The following TBC1D2 variants were observed in gnomAD, a reference collection of about 807,000 sequenced individuals.
TBC1D2 encodes the protein TBC1 domain family member 2A.
A neutral mutation model predicts 91.1 loss-of-function variants in TBC1D2; 58 were observed. That is an observed-to-expected ratio of 0.64 (90% confidence interval 0.52 to 0.79). The LOEUF is 0.79. Among genes scored for constraint, TBC1D2 ranks in the 30% least tolerant of loss-of-function variants. The pLI is 0.00. For synonymous variants in TBC1D2, 482 were observed against 511.5 expected (o/e 0.94, Z 0.78); for missense variants, 1,080 against 1,208.3 (o/e 0.89, Z 1.57).
intron 5 of TBC1D2, among the ~76,000 whole-genome samples, chr9:98,223,789 C>T (rs76682521): frequency 0.016 from 2,415 of 152,252 alleles, 34 homozygotes; most frequent in Non-Finnish European, 0.023. Context: ...CTTAAAAGAA[C>T]GGAACCAGGG....
chr9:98,199,433 C>T lies in TBC1D2; in HGVS notation c.2735G>A (p.Arg912Lys), dbSNP rs757114027. The change falls in exon 13 of 13, where the codon AGA becomes AAA. Residue 912 changes from arginine (R) to lysine (K), a missense_variant. Physicochemically the swap from Arg to Lys is conservative, Grantham distance 26. Transcript: ENST00000465784. The part of the protein sequence containing the change: ...EYLERRASRR[R>K]AVSEGCASED... Reference sequence around the variant, plus strand: ...GCTGGCACAGCCCTCGGACACAGCTCTGCGCCGGGATGCCCGCCTCTCCAG... The same window carrying T: ...GCTGGCACAGCCCTCGGACACAGCTTTGCGCCGGGATGCCCGCCTCTCCAG... The T allele has an allele frequency of 9.3e-6, 15 of 1,613,864 alleles. No homozygotes were observed. Among genetic ancestry groups the T allele is most frequent in the African/African-American group, 1.3e-5 (1 of 74,932 alleles).
chr9:98,217,177 A>G (rs1444363505), intron 6 of TBC1D2, among the ~76,000 whole-genome samples: 1 of 152,196 alleles, frequency 6.6e-6, no homozygotes, highest in East Asian at 1.9e-4. Flanking sequence ...CCCTACCTTG[A>G]GTGCTCGTCT....
intron 2 of TBC1D2, among the ~76,000 whole-genome samples, chr9:98,244,520 G>A (rs927227947): frequency 1.3e-5 from 2 of 152,030 alleles, no homozygotes; most frequent in East Asian, 1.9e-4. Flanking sequence ...TTAGCCAGGC[G>A]TGGTGGCGCA....
At chr9:98,209,326 T>C (rs1828751474) in intron 8 of TBC1D2, among the ~76,000 whole-genome samples, 182 bp from the exon 9 acceptor site, 2 of 152,144 alleles carry the variant, frequency 1.3e-5, no homozygotes, top group African/African-American at 4.8e-5. Flanking sequence ...ATAATGCATA[T>C]GGGAATCCCT....
At chr9:98,200,875 G>T (rs951172645) in intron 11 of TBC1D2, among the ~76,000 whole-genome samples, 2 of 152,068 alleles carry the variant, frequency 1.3e-5, no homozygotes, top group African/African-American at 4.8e-5. Flanking sequence ...AATTAGCCAG[G>T]TATGGTGTTG....
chr9:98,245,721 A>C (rs1291734787), intron 2 of TBC1D2, among the ~76,000 whole-genome samples: 4 of 152,170 alleles, frequency 2.6e-5, no homozygotes. Flanking sequence ...TTTTTTTCCA[A>C]ATTTTCTACA....
chr9:98,233,610 C>A, intron 3 of TBC1D2, 61 bp from the exon 4 acceptor site: 1 of 1,585,756 alleles, frequency 6.3e-7, no homozygotes. Context: ...CCCTTCTGTC[C>A]TTCCCGCCAC....
chr9:98,224,341 G>A (rs1385440847), intron 5 of TBC1D2, among the ~76,000 whole-genome samples: 1 of 143,988 alleles, frequency 6.9e-6, no homozygotes, highest in Admixed American at 7.0e-5. Flanking sequence ...GGAGTGCAGT[G>A]GCGCAATCAC....
intron 4 of TBC1D2, among the ~76,000 whole-genome samples, chr9:98,232,355 A>ATTTTTTTTTTTTTT (rs1829392695): frequency 3.2e-5 from 1 of 30,846 alleles, no homozygotes. Flanking sequence ...TTTTTTTTTG[A>ATTTTTTTTTTTTTT]CAGTGTCTCA....
Position 98,221,202 on chromosome 9 carries a change from T to G in TBC1D2, c.1005A>C (p.Ala335=), listed in dbSNP as rs1054986466. The G allele has an allele frequency of 6.4e-7, 1 of 1,551,412 alleles. No individual in the cohort carries two copies. Among genetic ancestry groups the G allele is most frequent in the African/African-American group, 1.4e-5 (1 of 73,230 alleles). ...QKELVKILHK[A]LEAAQQEKRA... ...GCTTCTCCTGCTGGGCGGCCTCCAGTGCCTTGTGCAGGATCTTCACTAGCT... is the reference window on the plus strand; with the variant it reads ...GCTTCTCCTGCTGGGCGGCCTCCAGGGCCTTGTGCAGGATCTTCACTAGCT... The change falls in exon 6 of 13, where the codon GCA becomes GCC. Residue 335 remains alanine (A), a synonymous_variant. Coordinates refer to ENST00000465784, the MANE Select transcript of TBC1D2 (RefSeq NM_001267571.2).
chr9:98,201,094 G>C (rs1288114463), intron 11 of TBC1D2, among the ~76,000 whole-genome samples: 1 of 152,034 alleles, frequency 6.6e-6, no homozygotes, highest in Non-Finnish European at 1.5e-5. Flanking sequence ...GGGCTGAGTT[G>C]GGGGACCTGC....
At chr9:98,203,492 C>T (rs1828567442) in intron 9 of TBC1D2, 84 bp from the exon 10 acceptor site, 2 of 1,568,470 alleles carry the variant, frequency 1.3e-6, no homozygotes, top group Admixed American at 1.8e-5. Context: ...TTCCTGGGTT[C>T]CAGGGGGAAA....
rs1297487934 is a variant in TBC1D2, at chr9:98,226,860, T to TC, written c.978+2091dup. The stretch of plus-strand genomic sequence containing the variant: ...ATAGCCTGGTCAACCCTTATTAATC[T>TC]CCAAGAATCTTGCCTTTATTTATTG... On this transcript the variant is annotated intron_variant, in intron 5 of 12. Transcript: ENST00000465784. Among the ~76,000 whole-genome samples the TC allele has an allele frequency of 6.6e-5, 10 of 152,304 alleles. No individual in the cohort carries two copies. The South Asian group carries it at 2.1e-3, about 32-fold the overall frequency.
intron 3 of TBC1D2, among the ~76,000 whole-genome samples, chr9:98,236,897 A>T (rs895781333): frequency 6.6e-5 from 10 of 151,274 alleles, no homozygotes; most frequent in African/African-American, 2.4e-4. Flanking sequence ...GAACTAAGGC[A>T]TGCTTTGTAT....
At chr9:98,237,620 C>G (rs1377524766) in intron 3 of TBC1D2, among the ~76,000 whole-genome samples, 2 of 151,546 alleles carry the variant, frequency 1.3e-5, no homozygotes, top group Non-Finnish European at 2.9e-5. Flanking sequence ...GATTCTCCTG[C>G]CTCAGCCTCC....
Position 98,208,730 on chromosome 9 carries a change from G to T in TBC1D2, c.2088C>A (p.Arg696=), listed in dbSNP as rs1362501494. 2 of 1,558,974 alleles carry T rather than the reference G, an allele frequency of 1.3e-6. No homozygotes were observed. The highest frequency in any genetic ancestry group is 1.8e-5 in the Admixed American group (1 of 56,106). The change falls in exon 9 of 13, where the codon CGC becomes CGA. Residue 696 remains arginine (R), a synonymous_variant. Coordinates refer to ENST00000465784, the MANE Select transcript of TBC1D2 (RefSeq NM_001267571.2). ...GCCAGGAGAAGGCCAGCAGCACCCG[G>T]CGGAGCTTGTCGGGGAAGCTGGAGG... is the stretch of plus-strand genomic sequence containing the variant. ...CPTSSFPDKL[R]RVLLAFSWQN...
In TBC1D2 at chr9:98,255,640, G is replaced by C. The variant is rs181587490; in HGVS notation, c.-99C>G. The C allele has an allele frequency of 3.7e-6, 5 of 1,357,084 alleles. No individual in the cohort carries two copies. In the Admixed American group the frequency reaches 1.0e-4, roughly 28 times the overall value. The allele number at this position is 1,357,084 out of a possible 1,614,324, so 84.1% of individuals were successfully genotyped here. On this transcript the variant is annotated 5_prime_UTR_variant, in exon 1 of 13. Transcript: ENST00000465784. ...GGCAGCTTCCCAAAGGGAGACACCT[G>C]GGCGGGGGCGGGGCCGACGGCGAAC...
intron 2 of TBC1D2, among the ~76,000 whole-genome samples, chr9:98,249,302 T>C (rs947803452): frequency 2.6e-5 from 4 of 152,088 alleles, no homozygotes; most frequent in Admixed American, 2.6e-4. Flanking sequence ...TCACAGCAAC[T>C]CCACCCCTTT....
intron 8 of TBC1D2, among the ~76,000 whole-genome samples, chr9:98,210,249 A>T (rs1388437639): frequency 6.6e-6 from 1 of 152,178 alleles, no homozygotes; most frequent in Non-Finnish European, 1.5e-5. Context: ...CTCAGCCTCC[A>T]GGGGCCTTCG....
Sources: gnomAD v4.1 joint callset for allele counts (sites outside exome capture counted in the v4.1 genomes callset) on GRCh38, gnomAD v4.1.1 for gene constraint, MANE v1.5 for transcripts, NCBI Gene and HGNC (gene_info 2026-07-23, HGNC 2026-07-21) for gene names.